Variants in GPR137B observed in about 807,000 individuals in gnomAD.
GPR137B encodes the protein G protein-coupled receptor 137B.
GPR137B carries 42 observed loss-of-function variants against 42.5 expected under a neutral mutation model. The observed-to-expected ratio is 0.99, with a 90% confidence interval of 0.77 to 1.28. GPR137B has a LOEUF of 1.28. GPR137B is among the 50% of genes most tolerant of loss of function. GPR137B has a pLI of 0.00. For synonymous variants in GPR137B, 218 were observed against 209.7 expected, an observed-to-expected ratio of 1.04 and a Z score of -0.34; for missense variants, 487 against 493.9, an observed-to-expected ratio of 0.99 and a Z score of 0.13.
At chr1:236,180,133 C>T (rs1283468962) in intron 4 of GPR137B, 105 bp downstream of exon 4, 2 of 847,606 alleles carry the variant, frequency 2.4e-6, no homozygotes. Context: ...ATGCTCAAGT[C>T]CCTGATATAA....
At chr1:236,166,313 A>T (rs1662350597) in intron 1 of GPR137B, among the ~76,000 whole-genome samples, 1 of 151,564 alleles carries the variant, frequency 6.6e-6, no homozygotes, top group African/African-American at 2.4e-5. Flanking sequence ...CTTTTTACGG[A>T]TGTCAGAGAA....
chr1:236,175,176 A>G (rs189620741), intron 2 of GPR137B, among the ~76,000 whole-genome samples: 5 of 152,310 alleles, frequency 3.3e-5, no homozygotes, highest in Admixed American at 3.3e-4. Flanking sequence ...TGGGTGACAC[A>G]GGGAGATGCT....
chr1:236,146,283 G>T (rs1202473633), intron 1 of GPR137B, among the ~76,000 whole-genome samples: 1 of 152,188 alleles, frequency 6.6e-6, no homozygotes, highest in African/African-American at 2.4e-5. Flanking sequence ...ACGATTTGCG[G>T]CACTGAAGGG....
chr1:236,166,461 TTAA>T (rs1212888843), intron 1 of GPR137B, among the ~76,000 whole-genome samples: 2,551 of 139,998 alleles, frequency 0.018, 86 homozygotes, highest in African/African-American at 0.062. Context: ...TTAATGTATA[TTAA>T]ATATATACAT....
At chr1:236,152,883 C>T (rs146450850) in intron 1 of GPR137B, among the ~76,000 whole-genome samples, 3,711 of 151,420 alleles carry the variant, frequency 0.025, 138 homozygotes, top group African/African-American at 0.085. Flanking sequence ...TGGTGAAACC[C>T]CATCTCTACT....
Position 236,208,622 on chromosome 1 carries a change from T to A in GPR137B, c.*464T>A. 1 of 985,158 alleles carries A rather than the reference T, an allele frequency of 1.0e-6. No homozygotes were observed. Among genetic ancestry groups the A allele is most frequent in the Non-Finnish European group, 1.2e-6 (1 of 829,104 alleles). The allele number at this position is 985,158 out of a possible 1,614,324, so 61.0% of individuals were successfully genotyped here. On this transcript the variant is annotated 3_prime_UTR_variant, in exon 7 of 7. Coordinates refer to ENST00000366592, the MANE Select transcript of GPR137B (RefSeq NM_003272.4). ...TTTAGGTCACTGATGGTCACTCCGA[T>A]TCTGAGTGCCACATTGGTAGACTCC... is the stretch of plus-strand genomic sequence containing the variant.
At chr1:236,151,092 C>A (rs561868571) in intron 1 of GPR137B, among the ~76,000 whole-genome samples, 2 of 152,168 alleles carry the variant, frequency 1.3e-5, no homozygotes, top group African/African-American at 4.8e-5. Context: ...GTTGGCCTTG[C>A]GTTTCCAGTG....
chr1:236,164,946 C>G (rs888317743), intron 1 of GPR137B, among the ~76,000 whole-genome samples: 2 of 151,282 alleles, frequency 1.3e-5, no homozygotes, highest in Non-Finnish European at 2.9e-5. Flanking sequence ...CTCTTGTTGC[C>G]CAGGCTGGAG....
At chr1:236,166,264 C>G (rs1662349324) in intron 1 of GPR137B, among the ~76,000 whole-genome samples, 1 of 151,814 alleles carries the variant, frequency 6.6e-6, no homozygotes. Flanking sequence ...ATGTATTAAT[C>G]TATTTCTTGT....
intron 2 of GPR137B, among the ~76,000 whole-genome samples, chr1:236,175,662 C>T (rs1403065452): frequency 6.6e-6 from 1 of 152,186 alleles, no homozygotes; most frequent in African/African-American, 2.4e-5. Flanking sequence ...ACCCCCCTCC[C>T]CTGATTCCCC....
intron 2 of GPR137B, among the ~76,000 whole-genome samples, chr1:236,173,346 G>C (rs1571983623): frequency 6.7e-6 from 1 of 149,870 alleles, no homozygotes; most frequent in East Asian, 2.0e-4. Context: ...GAGGGAAAGA[G>C]AGAGAGAGAA....
Position 236,142,912 on chromosome 1 carries a change from C to T in GPR137B, c.290C>T (p.Ser97Phe). 1 of 1,614,174 alleles carries T rather than the reference C, an allele frequency of 6.2e-7. No homozygotes were observed. The highest frequency in any genetic ancestry group is 8.5e-7 in the Non-Finnish European group (1 of 1,179,974). ...GCCTCCCTGCGGACCGTCCTCTTCT[C>T]CTTCTACTTCAAAGACTTCGTGGCG... ...FWASLRTVLF[S>F]FYFKDFVAAN... The change falls in exon 1 of 7, where the codon TCC becomes TTC. Residue 97 changes from serine to phenylalanine, a missense_variant. By Grantham distance (155) the Ser-to-Phe change is radical. Transcript: ENST00000366592.
At chr1:236,194,674 A>G (rs1663287743) in intron 5 of GPR137B, among the ~76,000 whole-genome samples, 1 of 152,232 alleles carries the variant, frequency 6.6e-6, no homozygotes, top group South Asian at 2.1e-4. Flanking sequence ...TTTACTTTTT[A>G]GAAGCTGCTG....
chr1:236,170,039 CAAAAAAAAAAAA>C (rs11346365), intron 2 of GPR137B, among the ~76,000 whole-genome samples: 1,502 of 36,944 alleles, frequency 0.041, 59 homozygotes, highest in African/African-American at 0.093. Context: ...GAATCCATCT[CAAAAAAAAAAAA>C]AAAAAAAAAA....
chr1:236,199,525 CT>C (rs35741787), intron 5 of GPR137B, among the ~76,000 whole-genome samples: 2 of 152,032 alleles, frequency 1.3e-5, no homozygotes, highest in Non-Finnish European at 2.9e-5. Flanking sequence ...TGGTCCTGGA[CT>C]TTTTTTGTTG....
chr1:236,199,984 G>GA (rs1289283501), intron 5 of GPR137B, among the ~76,000 whole-genome samples: 2 of 151,866 alleles, frequency 1.3e-5, no homozygotes, highest in African/African-American at 2.4e-5. Flanking sequence ...TTTGATGTAG[G>GA]AATTTAATGC....
chr1:236,160,356 C>T (rs1169875292), intron 1 of GPR137B, among the ~76,000 whole-genome samples: 10 of 152,156 alleles, frequency 6.6e-5, no homozygotes, highest in Admixed American at 2.0e-4. Flanking sequence ...CCCCAAGAAG[C>T]AGCTGGGACT....
At chr1:236,168,937 A>G (rs544587784) in intron 2 of GPR137B, among the ~76,000 whole-genome samples, 182 bp downstream of exon 2, 2 of 152,334 alleles carry the variant, frequency 1.3e-5, no homozygotes, top group South Asian at 2.1e-4. Context: ...TCAGGTCATC[A>G]GATCATGACT....
chr1:236,144,561 A>G (rs1422711132), intron 1 of GPR137B, among the ~76,000 whole-genome samples: 1 of 152,256 alleles, frequency 6.6e-6, no homozygotes. Context: ...TCTTTTAAAA[A>G]TGGGTCTACA....
Sources: gnomAD v4.1 joint callset for allele counts (sites outside exome capture counted in the v4.1 genomes callset) on GRCh38, gnomAD v4.1.1 for gene constraint, MANE v1.5 for transcripts, NCBI Gene and HGNC (gene_info 2026-07-23, HGNC 2026-07-21) for gene names.